ZC3H15: variants seen among roughly 807,000 people sequenced by gnomAD.
ZC3H15 encodes zinc finger CCCH domain-containing protein 15.
A neutral mutation model predicts 51.2 loss-of-function variants in ZC3H15; 15 were observed. The observed-to-expected ratio is 0.29, with a 90% CI of 0.20 to 0.45. The LOEUF (loss-of-function observed/expected upper bound fraction) is 0.45. ZC3H15 is among the 20% of genes least tolerant of loss of function. The pLI, the probability that ZC3H15 is intolerant of heterozygous loss-of-function variation, is 1.00. For synonymous variants in ZC3H15, 144 were observed against 162.8 expected (o/e 0.88, Z 0.88); for missense variants, 381 against 494.7 (o/e 0.77, Z 2.18).
chr2:186,493,120 A>G (rs1240903630), intron 1 of ZC3H15, among the ~76,000 whole-genome samples: 1 of 23,576 alleles, frequency 4.2e-5, no homozygotes, highest in East Asian at 6.6e-4. Flanking sequence ...CAAAATTATG[A>G]AAAAAAAAAA....
intron 3 of ZC3H15, 45 bp downstream of exon 3, chr2:186,500,338 T>G (rs780405492): frequency 1.4e-6 from 2 of 1,444,204 alleles, no homozygotes; most frequent in South Asian, 2.5e-5. Context: ...CAAATGTAGT[T>G]TATGCTAAAA....
At chr2:186,500,132 A>C in intron 2 of ZC3H15, 50 bp from the exon 3 acceptor site, 2 of 1,525,704 alleles carry the variant, frequency 1.3e-6, no homozygotes, top group Non-Finnish European at 1.8e-6. Context: ...TGTAGTAAAA[A>C]CAATTTTGTA....
chr2:186,503,188 G>C (rs370183844), intron 5 of ZC3H15, among the ~76,000 whole-genome samples: 15 of 152,122 alleles, frequency 9.9e-5, no homozygotes, highest in African/African-American at 3.6e-4. Context: ...GTTTGTTTTT[G>C]GGGGCGGATA....
chr2:186,505,814 C>T lies in ZC3H15; in HGVS notation c.939C>T (p.Arg313=), dbSNP rs768691320. The T allele has an allele frequency of 6.2e-7, 1 of 1,614,010 alleles. No individual in the cohort carries two copies. The highest frequency in any genetic ancestry group is 1.1e-5 in the South Asian group (1 of 91,046). The change falls in exon 8 of 10, where the codon CGC becomes CGT. Residue 313 remains arginine, a synonymous_variant. Coordinates refer to ENST00000337859, the MANE Select transcript of ZC3H15 (RefSeq NM_018471.3). ...ATGATGAGGAAGCAGATGATACCCG[C>T]TACACCCAGGGAACAGGTGGTGATG... ...NDDDEEADDT[R]YTQGTGGDEV... is the part of the protein sequence containing the mutation.
At chr2:186,494,898 A>G (rs1023845226) in intron 1 of ZC3H15, among the ~76,000 whole-genome samples, 6 of 152,152 alleles carry the variant, frequency 3.9e-5, no homozygotes, top group African/African-American at 1.4e-4. Flanking sequence ...GCACACCAAC[A>G]TGGCACATGT....
At chr2:186,497,359 A>G (rs1559009750) in intron 2 of ZC3H15, among the ~76,000 whole-genome samples, 1 of 152,144 alleles carries the variant, frequency 6.6e-6, no homozygotes, top group African/African-American at 2.4e-5. Flanking sequence ...ATCTAAAACT[A>G]TTGCTCTTCC....
At chr2:186,497,221 T>C (rs1028468536) in intron 2 of ZC3H15, 1 of 385,942 alleles carries the variant, frequency 2.6e-6, no homozygotes, top group Non-Finnish European at 4.9e-6. Flanking sequence ...TTCTCATGTG[T>C]TTACAGATTT....
chr2:186,503,974 T>C (rs1685427584), intron 5 of ZC3H15, 58 bp from the exon 6 acceptor site: 19 of 1,394,286 alleles, frequency 1.4e-5, no homozygotes, highest in Non-Finnish European at 1.5e-5. Context: ...TACTCAGGCA[T>C]TTACCTTGGA....
intron 2 of ZC3H15, among the ~76,000 whole-genome samples, chr2:186,496,772 A>G (rs937574725): frequency 6.6e-6 from 1 of 152,246 alleles, no homozygotes; most frequent in Non-Finnish European, 1.5e-5. Context: ...ACTGTACTGA[A>G]TACTGTAGGC....
Position 186,509,068 on chromosome 2 carries a change from A to G in ZC3H15, c.*335A>G, listed in dbSNP as rs1280096538. On this transcript the variant is annotated 3_prime_UTR_variant, in exon 10 of 10. Transcript: ENST00000337859. ...CATGTGCTATTACCAGAAACAACAA[A>G]CTTATATTTAAAATACCCTTCATTT... 1 of 474,314 alleles carries G rather than the reference A, an allele frequency of 2.1e-6. No homozygotes were observed. Among genetic ancestry groups the G allele is most frequent in the Non-Finnish European group, 4.2e-6 (1 of 239,236 alleles). The allele number at this position is 474,314 out of a possible 1,614,324, so 29.4% of individuals were successfully genotyped here. A position where few individuals can be genotyped will look rare whatever the true frequency, so the allele number is the denominator to read the frequency against.
intron 8 of ZC3H15, 52 bp downstream of exon 8, chr2:186,505,893 A>AG (rs1685459350): frequency 1.9e-6 from 3 of 1,566,436 alleles, no homozygotes; most frequent in African/African-American, 2.7e-5. Context: ...AAGAAACAAT[A>AG]GAAAATACCA....
intron 9 of ZC3H15, among the ~76,000 whole-genome samples, chr2:186,508,256 CAT>C (rs1685498556): frequency 6.6e-6 from 1 of 152,054 alleles, no homozygotes; most frequent in African/African-American, 2.4e-5. Flanking sequence ...ATTGCTAGGT[CAT>C]GTAGGGAACA....
At chr2:186,486,558 T>C in intron 1 of ZC3H15, 101 bp downstream of exon 1, 1 of 1,323,814 alleles carries the variant, frequency 7.6e-7, no homozygotes, top group Non-Finnish European at 1.0e-6. Context: ...TCGGGCCACG[T>C]GTTCCTCCCT....
chr2:186,501,003 A>C (rs1328029624), intron 3 of ZC3H15, among the ~76,000 whole-genome samples: 1 of 152,110 alleles, frequency 6.6e-6, no homozygotes, highest in Non-Finnish European at 1.5e-5. Flanking sequence ...ATTGACATCA[A>C]CTAGACAAAG....
At chr2:186,499,615 A>T (rs1336124717) in intron 2 of ZC3H15, 1 of 455,180 alleles carries the variant, frequency 2.2e-6, no homozygotes, top group African/African-American at 2.0e-5. Context: ...GTCATCTAAC[A>T]TAGGACCTGA....
chr2:186,503,223 G>C (rs1175079529), intron 5 of ZC3H15, among the ~76,000 whole-genome samples: 2 of 152,174 alleles, frequency 1.3e-5, no homozygotes, highest in Non-Finnish European at 2.9e-5. Flanking sequence ...TCTCTTACTT[G>C]CAAAGCTTAA....
chr2:186,489,016 G>A (rs924592855), intron 1 of ZC3H15: 3 of 173,158 alleles, frequency 1.7e-5, no homozygotes, highest in Admixed American at 1.7e-4. Flanking sequence ...TTGGGTATGG[G>A]TTCTTAGTGA....
chr2:186,499,417 TTTC>T (rs1483411701), intron 2 of ZC3H15, among the ~76,000 whole-genome samples: 2 of 152,214 alleles, frequency 1.3e-5, no homozygotes, highest in African/African-American at 4.8e-5. Context: ...TCTTTCTGTA[TTTC>T]TTTTCTTGCC....
At chr2:186,487,150 A>G (rs1685110425) in intron 1 of ZC3H15, 1 of 152,136 alleles carries the variant, frequency 6.6e-6, no homozygotes, top group Non-Finnish European at 1.5e-5. Flanking sequence ...GCGCGTGTAT[A>G]TATGTATACA....
Sources: gnomAD v4.1 joint callset for allele counts (sites outside exome capture counted in the v4.1 genomes callset) on GRCh38, gnomAD v4.1.1 for gene constraint, MANE v1.5 for transcripts, NCBI Gene and HGNC (gene_info 2026-07-23, HGNC 2026-07-21) for gene names.